The following ERC2 variants were observed in gnomAD, a reference collection of about 807,000 sequenced individuals.
The protein encoded by ERC2 is ELKS/RAB6-interacting/CAST family member 2, also known as ERC protein 2.
A neutral mutation model predicts 114.8 loss-of-function variants in ERC2; 42 were observed. That is an observed-to-expected ratio of 0.37 (90% CI 0.29 to 0.47). The LOEUF is 0.47. Ranked by LOEUF, ERC2 falls within the 20% of genes least tolerant of loss-of-function variation. The pLI is 0.99. For missense variants in ERC2, 939 were observed against 1,150.7 expected (o/e 0.82, Z 2.66); for synonymous variants, 454 against 425.5 (o/e 1.07, Z -0.82).
At chr3:55,661,529 T>A (rs2061136425) in intron 17 of ERC2, among the ~76,000 whole-genome samples, 1 of 152,216 alleles carries the variant, frequency 6.6e-6, no homozygotes, top group Admixed American at 6.5e-5. Context: ...ACTCTGACTC[T>A]TAGACTTTCT....
chr3:55,918,764 T>C (rs766743975), intron 13 of ERC2, among the ~76,000 whole-genome samples: 1 of 150,864 alleles, frequency 6.6e-6, no homozygotes, highest in Non-Finnish European at 1.5e-5. Context: ...ACCAGATATG[T>C]AAGTGGGGCC....
chr3:55,578,594 A>C (rs2057103966), intron 17 of ERC2, among the ~76,000 whole-genome samples: 1 of 152,240 alleles, frequency 6.6e-6, no homozygotes, highest in Non-Finnish European at 1.5e-5. Context: ...ATCTACTTAC[A>C]CATTGCAAGT....
intron 3 of ERC2, among the ~76,000 whole-genome samples, chr3:56,227,297 T>C (rs2050308814): frequency 1.3e-5 from 2 of 152,048 alleles, no homozygotes; most frequent in African/African-American, 4.8e-5. Context: ...GGAAGTTGCA[T>C]CGGTTCCTGG....
At chr3:56,022,758 T>C (rs1281128658) in intron 7 of ERC2, among the ~76,000 whole-genome samples, 1 of 152,164 alleles carries the variant, frequency 6.6e-6, no homozygotes, top group Non-Finnish European at 1.5e-5. Flanking sequence ...AAATTTCATA[T>C]TGCAGAATTG....
At chr3:55,960,196 T>C (rs1474758230) in intron 12 of ERC2, among the ~76,000 whole-genome samples, 1 of 152,208 alleles carries the variant, frequency 6.6e-6, no homozygotes, top group Non-Finnish European at 1.5e-5. Flanking sequence ...ATGCACTTGT[T>C]GGCATACAAT....
At position 55,653,564 on chromosome 3, in the gene ERC2, A is replaced by AGTGT. The variant is rs36231107; in HGVS notation, c.*39+30226_*39+30229dup. Among the ~76,000 whole-genome samples the AGTGT allele has an allele frequency of 1.9e-3, 271 of 141,284 alleles. 1 individual carries two copies. Among genetic ancestry groups the AGTGT allele is most frequent in the African/African-American group, 6.2e-3 (238 of 38,118 alleles). 92.7% of individuals were successfully genotyped at this position (141,284 alleles called of 152,430 possible). A position where few individuals can be genotyped will look rare whatever the true frequency, so the allele number is the denominator to read the frequency against. On this transcript the variant is annotated intron_variant, in intron 17 of 17. Transcript: ENST00000288221. ...ATAGAACAATCTCAAACCTGGTAAA[A>AGTGT]GTGTGTGTGTGTGTGTGTGTGTGTG...
chr3:55,874,488 C>T (rs1338002444), intron 14 of ERC2, among the ~76,000 whole-genome samples: 1 of 152,036 alleles, frequency 6.6e-6, no homozygotes, highest in African/African-American at 2.4e-5. Context: ...ACTTTAGTAT[C>T]AATCAGCTTA....
At chr3:55,517,732 T>G (rs2107177175) in intron 17 of ERC2, among the ~76,000 whole-genome samples, 1 of 152,274 alleles carries the variant, frequency 6.6e-6, no homozygotes, top group Admixed American at 6.5e-5. Flanking sequence ...TTGCATATAC[T>G]CTGGCCACCG....
intron 1 of ERC2, among the ~76,000 whole-genome samples, chr3:56,451,099 G>T (rs770481996): frequency 6.6e-5 from 10 of 152,002 alleles, no homozygotes; most frequent in East Asian, 3.9e-4. Context: ...AATTGGCAAA[G>T]CTTCAGTTAT....
chr3:56,018,912 C>T lies in ERC2; in HGVS notation c.1761G>A (p.Glu587=), dbSNP rs200532916. The part of the protein sequence containing the change: ...SNTDTALATL[E]EALSEKERII... ...TGCTCACCTTCTCTGACAGAGCTTC[C>T]TCTAGCGTCGCCAGTGCAGTATCTG... Residue 587 remains glutamate (E), a synonymous_variant, in exon 8 of 18, where the codon GAG becomes GAA. Transcript: ENST00000288221. The T allele has an allele frequency of 2.0e-4, 318 of 1,612,292 alleles. No homozygotes were observed. The highest frequency in any genetic ancestry group is 4.0e-5 in the Non-Finnish European group (47 of 1,179,222).
At chr3:56,040,141 T>C (rs558268871) in intron 7 of ERC2, among the ~76,000 whole-genome samples, 4 of 151,776 alleles carry the variant, frequency 2.6e-5, no homozygotes, top group Non-Finnish European at 4.4e-5. Flanking sequence ...AATAGGCAAA[T>C]GGGATTGCAT....
chr3:56,281,444 A>AG (rs1465499935), intron 3 of ERC2, among the ~76,000 whole-genome samples: 2 of 148,836 alleles, frequency 1.3e-5, no homozygotes, highest in Non-Finnish European at 3.0e-5. Flanking sequence ...CTCAAAAAAA[A>AG]AAAAAAAAAA....
intron 7 of ERC2, among the ~76,000 whole-genome samples, chr3:56,059,731 A>G (rs955560987): frequency 2.0e-5 from 3 of 152,248 alleles, no homozygotes; most frequent in Admixed American, 6.5e-5. Context: ...ACTGTGCTTC[A>G]ATAGAAAATA....
intron 12 of ERC2, among the ~76,000 whole-genome samples, chr3:55,975,935 T>G (rs2069555634): frequency 6.6e-6 from 1 of 152,184 alleles, no homozygotes; most frequent in African/African-American, 2.4e-5. Flanking sequence ...CATAGAAATT[T>G]CCCAACTCCT....
chr3:55,585,305 C>T (rs6795392), intron 17 of ERC2, among the ~76,000 whole-genome samples: 4,212 of 152,238 alleles, frequency 0.028, 193 homozygotes, highest in African/African-American at 0.096. Flanking sequence ...TCCTGTTTCT[C>T]CTGTTTTAGG....
intron 14 of ERC2, among the ~76,000 whole-genome samples, chr3:55,840,653 A>G (rs1407667686): frequency 6.6e-6 from 1 of 152,060 alleles, no homozygotes; most frequent in South Asian, 2.1e-4. Flanking sequence ...TAAAGAAAAC[A>G]TTTGTGCATA....
rs183753199 is a variant in ERC2, at chr3:56,160,590, T to C, written c.1150-11458A>G. Among the ~76,000 whole-genome samples, 83 of 152,344 alleles carry C rather than the reference T, an allele frequency of 5.4e-4. 1 individual carries two copies. Among genetic ancestry groups the C allele is most frequent in the Admixed American group, 3.6e-3 (55 of 15,304 alleles). ...GCATGGTGTTTCCTAGATTTTCTTC[T>C]GGGATTCTTAGAGTTTGAGGTCTTA... On this transcript the variant is annotated intron_variant, in intron 4 of 17. Transcript: ENST00000288221.
chr3:55,523,665 C>T (rs962473562), intron 17 of ERC2, among the ~76,000 whole-genome samples: 4 of 152,210 alleles, frequency 2.6e-5, no homozygotes, highest in African/African-American at 9.7e-5. Context: ...AGGCTGCGTT[C>T]ATGAGGACAG....
chr3:55,770,926 G>C (rs535519961), intron 14 of ERC2, among the ~76,000 whole-genome samples: 1 of 152,036 alleles, frequency 6.6e-6, no homozygotes, highest in Non-Finnish European at 1.5e-5. Flanking sequence ...TTAGTTTGCT[G>C]AGAATGATGG....
Sources: allele counts gnomAD v4.1 joint callset (sites outside exome capture counted in the v4.1 genomes callset), GRCh38; gene constraint gnomAD v4.1.1; transcripts MANE v1.5; gene names NCBI Gene and HGNC (gene_info 2026-07-23, HGNC 2026-07-21).